The following NCAPG2 variants were observed in gnomAD, a reference collection of about 807,000 sequenced individuals.
The protein encoded by NCAPG2 is condensin-2 complex subunit G2.
Under a neutral mutation model 141.1 loss-of-function variants are expected in NCAPG2, and 53 were observed. The ratio of observed to expected loss-of-function variants is 0.38; its 90% CI spans 0.30 to 0.47. The LOEUF (loss-of-function observed/expected upper bound fraction) is 0.47. Among genes scored for constraint, NCAPG2 ranks in the 20% least tolerant of loss-of-function variants. The pLI, the probability that NCAPG2 is intolerant of heterozygous loss-of-function variation, is 0.99. For missense variants in NCAPG2, 1,087 were observed against 1,389.0 expected (o/e 0.78, Z 3.46); for synonymous variants, 499 against 490.7 (o/e 1.02, Z -0.22).
At chr7:158,655,291 A>G in intron 20 of NCAPG2, 33 bp from the exon 21 acceptor site, 2 of 1,613,812 alleles carry the variant, frequency 1.2e-6, no homozygotes, top group Non-Finnish European at 1.7e-6. Flanking sequence ...ATCAGTAACA[A>G]AAAGAGCACT....
intron 27 of NCAPG2, 31 bp downstream of exon 27, chr7:158,644,258 T>C (rs1271858109): frequency 3.3e-6 from 5 of 1,537,902 alleles, no homozygotes; most frequent in Non-Finnish European, 4.5e-6. Flanking sequence ...CAGTTTTAGA[T>C]GATCACATCT....
At chr7:158,632,145 T>C (rs1397703341) in intron 27 of NCAPG2, among the ~76,000 whole-genome samples, 1 of 152,192 alleles carries the variant, frequency 6.6e-6, no homozygotes, top group Non-Finnish European at 1.5e-5. Flanking sequence ...CTACCTCTAA[T>C]AACCTGAAGC....
chr7:158,658,537 C>T lies in NCAPG2; in HGVS notation c.1990-129G>A, dbSNP rs1009204989. 4.6e-5 allele frequency: 35 copies of T among 753,814 alleles called. No homozygotes were observed. The South Asian group carries it at 5.8e-4, about 12-fold the overall frequency. 46.7% of individuals were successfully genotyped at this position (753,814 alleles called of 1,614,324 possible). On this transcript the variant is annotated intron_variant, in intron 16 of 27. Coordinates refer to ENST00000356309, the MANE Select transcript of NCAPG2 (RefSeq NM_017760.7). Reference sequence around the variant, plus strand: ...AGAAGAACCATGGCAGTCCTTTCCACGTTCAAAAGGAAAACTTAAACCAGC... The same window carrying T: ...AGAAGAACCATGGCAGTCCTTTCCATGTTCAAAAGGAAAACTTAAACCAGC...
chr7:158,668,600 G>T (rs1833456695), intron 13 of NCAPG2: 3 of 221,240 alleles, frequency 1.4e-5, no homozygotes, highest in South Asian at 1.6e-4. Flanking sequence ...AGCAATAATT[G>T]TTGAAGCTGG....
intron 15 of NCAPG2, 106 bp downstream of exon 15, chr7:158,664,078 C>G: frequency 5.7e-6 from 5 of 882,132 alleles, no homozygotes; most frequent in Non-Finnish European, 9.0e-6. Flanking sequence ...GTTTAATTAA[C>G]AATACTAAAG....
intron 11 of NCAPG2, among the ~76,000 whole-genome samples, chr7:158,677,546 A>AAAAACAAAAAAAAAAAAAAAAAAAAC: frequency 6.9e-6 from 1 of 144,716 alleles, no homozygotes; most frequent in Non-Finnish European, 1.5e-5. Flanking sequence ...AAAAAAAAAA[A>AAAAACAAAAAAAAAAAAAAAAAAAAC]AACAGAAAAG....
chr7:158,685,116 C>A (rs1425096296), intron 8 of NCAPG2, among the ~76,000 whole-genome samples: 2 of 152,108 alleles, frequency 1.3e-5, no homozygotes, highest in African/African-American at 4.8e-5. Context: ...TGATTGAGAA[C>A]CTGGTATAAG....
At chr7:158,635,965 T>G (rs1430843717) in intron 27 of NCAPG2, among the ~76,000 whole-genome samples, 1 of 152,244 alleles carries the variant, frequency 6.6e-6, no homozygotes, top group South Asian at 2.1e-4. Flanking sequence ...TTCATCAATT[T>G]GTCAGATTGA....
intron 13 of NCAPG2, among the ~76,000 whole-genome samples, chr7:158,669,464 T>C (rs1308094613): frequency 1.3e-5 from 2 of 152,120 alleles, no homozygotes; most frequent in African/African-American, 4.8e-5. Flanking sequence ...AGTATTTTTA[T>C]TGAAATTGAC....
chr7:158,679,524 C>A (rs536497553), intron 11 of NCAPG2, among the ~76,000 whole-genome samples: 17 of 152,230 alleles, frequency 1.1e-4, no homozygotes, highest in African/African-American at 3.9e-4. Context: ...TAGGCAATAT[C>A]GCAATCACAC....
chr7:158,698,935 G>A (rs1234552279), intron 2 of NCAPG2, among the ~76,000 whole-genome samples: 2 of 152,024 alleles, frequency 1.3e-5, no homozygotes, highest in African/African-American at 2.4e-5. Flanking sequence ...ACAGGCACAA[G>A]CCACTACACT....
intron 13 of NCAPG2, chr7:158,667,150 C>T: frequency 1.0e-6 from 1 of 985,408 alleles, no homozygotes; most frequent in Non-Finnish European, 1.2e-6. Context: ...CCAGACACCT[C>T]ACAACCAAAT....
chr7:158,656,857 A>C, intron 17 of NCAPG2, 152 bp from the exon 18 acceptor site: 1 of 961,042 alleles, frequency 1.0e-6, no homozygotes. Context: ...TGCAGGAATA[A>C]ATACAGTTTC....
intron 24 of NCAPG2, among the ~76,000 whole-genome samples, chr7:158,647,781 G>T (rs999212243): frequency 6.6e-6 from 1 of 151,820 alleles, no homozygotes; most frequent in Non-Finnish European, 1.5e-5. Context: ...GCTCACTGCA[G>T]CCTTGAACTC....
At chr7:158,635,900 A>C (rs1830159136) in intron 27 of NCAPG2, among the ~76,000 whole-genome samples, 1 of 152,254 alleles carries the variant, frequency 6.6e-6, no homozygotes, top group Non-Finnish European at 1.5e-5. Flanking sequence ...ATAATATTTT[A>C]AAATACAGTC....
intron 16 of NCAPG2, among the ~76,000 whole-genome samples, chr7:158,659,329 CAAA>C (rs34735258): frequency 2.3e-5 from 2 of 85,714 alleles, no homozygotes; most frequent in Non-Finnish European, 2.4e-5. Context: ...GACTCCATCT[CAAA>C]AAAAAAAAAA....
At chr7:158,692,115 G>A (rs2129469115) in intron 4 of NCAPG2, among the ~76,000 whole-genome samples, 1 of 152,184 alleles carries the variant, frequency 6.6e-6, no homozygotes, top group South Asian at 2.1e-4. Context: ...GACCAGCCTG[G>A]GCAACACAGT....
At chr7:158,691,029 C>T (rs923833530) in intron 4 of NCAPG2, among the ~76,000 whole-genome samples, 2 of 152,134 alleles carry the variant, frequency 1.3e-5, no homozygotes, top group Non-Finnish European at 2.9e-5. Context: ...TGAGGCTAAC[C>T]AAACCTCAGT....
intron 27 of NCAPG2, among the ~76,000 whole-genome samples, chr7:158,631,968 T>C (rs1157259500): frequency 2.6e-5 from 4 of 152,122 alleles, no homozygotes; most frequent in Admixed American, 1.3e-4. Flanking sequence ...TGCCAGGCAA[T>C]GAAACGTGCT....
Sources: allele counts gnomAD v4.1 joint callset (sites outside exome capture counted in the v4.1 genomes callset), GRCh38; gene constraint gnomAD v4.1.1; transcripts MANE v1.5; gene names NCBI Gene and HGNC (gene_info 2026-07-23, HGNC 2026-07-21).